Variants in PRDM10 observed in about 807,000 individuals in gnomAD.
The protein encoded by PRDM10 is PR/SET domain 10.
A neutral mutation model predicts 133.1 loss-of-function variants in PRDM10; 65 were observed. The observed-to-expected ratio is 0.49, with a 90% CI of 0.40 to 0.60. The LOEUF is 0.60. Ranked by LOEUF, PRDM10 falls within the 20% of genes least tolerant of loss-of-function variation. The probability of loss-of-function intolerance (pLI) is 0.00; values close to 1 mark genes in which losing one functional copy is unlikely to be tolerated. For missense variants in PRDM10, 1,137 were observed against 1,507.1 expected, an observed-to-expected ratio of 0.75 and a Z score of 4.07; for synonymous variants, 582 against 580.4, an observed-to-expected ratio of 1.00 and a Z score of -0.04.
At position 129,908,544 on chromosome 11, in the gene PRDM10, G is replaced by A. The variant is rs924236633; in HGVS notation, c.3163+1932C>T. Among the ~76,000 whole-genome samples the A allele has an allele frequency of 5.9e-5, 9 of 152,328 alleles. No homozygotes were observed. In the South Asian group the frequency reaches 8.3e-4, roughly 14 times the overall value. The stretch of plus-strand genomic sequence containing the variant: ...AGGTGATATGATGGATCATTATCCA[G>A]CTGGAGGATGGGAGATCATGATGGG... On this transcript the variant is annotated intron_variant, in intron 19 of 20. Coordinates refer to ENST00000360871, the MANE Select transcript of PRDM10 (RefSeq NM_199437.2).
At chr11:129,917,923 G>C (rs1950407516) in intron 14 of PRDM10, among the ~76,000 whole-genome samples, 1 of 152,214 alleles carries the variant, frequency 6.6e-6, no homozygotes, top group Non-Finnish European at 1.5e-5. Context: ...CTGAGGTCAG[G>C]AGTTTGAGAC....
At chr11:129,939,690 A>G (rs896221802) in intron 7 of PRDM10, among the ~76,000 whole-genome samples, 1 of 152,230 alleles carries the variant, frequency 6.6e-6, no homozygotes, top group Non-Finnish European at 1.5e-5. Context: ...ATGAAGGCCA[A>G]AAAGATCTGC....
At position 129,954,125 on chromosome 11, in the gene PRDM10, A is replaced by T. The variant is rs1222738347; in HGVS notation, c.294+1387T>A. On this transcript the variant is annotated intron_variant, in intron 4 of 20. Coordinates refer to ENST00000360871, the MANE Select transcript of PRDM10 (RefSeq NM_199437.2). ...CCAACTTATACAAAAAAGGCTCCTA[A>T]CAAACTTCTCTATATTTCAGATGAT... 5.9e-5 allele frequency among the ~76,000 whole-genome samples: 9 copies of T among 151,308 alleles called. No homozygotes were observed. The East Asian group carries it at 1.5e-3, about 26-fold the overall frequency.
chr11:130,002,254 G>C (rs1179711656), intron 1 of PRDM10, among the ~76,000 whole-genome samples: 4 of 150,560 alleles, frequency 2.7e-5, no homozygotes, highest in Non-Finnish European at 5.9e-5. Flanking sequence ...CCCAACCGCC[G>C]TCCCGGCCCA....
Position 129,914,895 on chromosome 11 carries a change from C to T in PRDM10, c.2650G>A (p.Ala884Thr), listed in dbSNP as rs370360512. The change falls in exon 17 of 21, where the codon GCC becomes ACC. Residue 884 changes from alanine (A) to threonine (T), a missense_variant. Coordinates refer to ENST00000360871, the MANE Select transcript of PRDM10 (RefSeq NM_199437.2). ...ATPAVLTTDSATGETVVTTDL... is the reference protein window; with the variant it reads ...ATPAVLTTDSTTGETVVTTDL... ...GTCGTCACCACAGTCTCTCCAGTGG[C>T]GCTGTCTGTAGTCAAAACCGCTGGG... 54 of 1,614,022 alleles carry T rather than the reference C, an allele frequency of 3.3e-5. No homozygotes were observed. The highest frequency in any genetic ancestry group is 1.3e-4 in the East Asian group (6 of 44,892).
At position 129,996,040 on chromosome 11, in the gene PRDM10, A is replaced by T. The variant is rs183775448; in HGVS notation, c.-119+6682T>A. ...TTAATTCACTCACTTATCCCTCAAA[A>T]CATTTTAGAATCCAGTAAGTAAAAG... On this transcript the variant is annotated intron_variant, in intron 1 of 20. Transcript: ENST00000360871. Among the ~76,000 whole-genome samples the T allele has an allele frequency of 1.1e-4, 17 of 152,334 alleles. No individual in the cohort carries two copies. In the East Asian group the frequency reaches 1.9e-3, roughly 17 times the overall value.
intron 8 of PRDM10, among the ~76,000 whole-genome samples, chr11:129,936,661 A>T (rs1047077646): frequency 6.6e-6 from 1 of 152,072 alleles, no homozygotes. Context: ...TCAAAAAAAA[A>T]AAAGAATAGT....
At chr11:129,969,903 TAA>T (rs1951982605) in intron 1 of PRDM10, among the ~76,000 whole-genome samples, 1 of 152,166 alleles carries the variant, frequency 6.6e-6, no homozygotes, top group Admixed American at 6.5e-5. Context: ...AACTCATACT[TAA>T]GATTAGATTC....
At chr11:129,943,798 T>C (rs1414098755) in intron 6 of PRDM10, among the ~76,000 whole-genome samples, 5 of 151,696 alleles carry the variant, frequency 3.3e-5, no homozygotes, top group African/African-American at 1.2e-4. Context: ...ATCAAGACCA[T>C]CCTGGCTAAC....
intron 20 of PRDM10, among the ~76,000 whole-genome samples, chr11:129,902,995 A>T (rs1313929738): frequency 6.6e-6 from 1 of 152,054 alleles, no homozygotes; most frequent in African/African-American, 2.4e-5. Context: ...AGCAAAATTT[A>T]AAAAAATAAT....
intron 2 of PRDM10, among the ~76,000 whole-genome samples, chr11:129,960,387 C>G (rs1429349518): frequency 6.6e-6 from 1 of 152,124 alleles, no homozygotes; most frequent in Non-Finnish European, 1.5e-5. Flanking sequence ...TAGCAGCAAT[C>G]TGAAAGGCAA....
intron 1 of PRDM10, among the ~76,000 whole-genome samples, chr11:129,981,101 C>T (rs1002144131): frequency 2.0e-5 from 3 of 151,990 alleles, no homozygotes; most frequent in African/African-American, 4.8e-5. Context: ...CAACTCCTGA[C>T]CTCAGGTGAT....
intron 1 of PRDM10, among the ~76,000 whole-genome samples, chr11:129,984,218 T>A (rs1938276582): frequency 6.6e-6 from 1 of 152,212 alleles, no homozygotes; most frequent in African/African-American, 2.4e-5. Flanking sequence ...GGAGGTGGCC[T>A]TCCCACTGGG....
intron 1 of PRDM10, among the ~76,000 whole-genome samples, 190 bp downstream of exon 1, chr11:130,002,532 C>A (rs1939480749): frequency 6.6e-6 from 1 of 151,550 alleles, no homozygotes; most frequent in Non-Finnish European, 1.5e-5. Flanking sequence ...CGGGATTTCT[C>A]CCCCCCACCA....
In PRDM10 at chr11:129,918,568, T is replaced by G; in HGVS notation, c.2185A>C (p.Met729Leu). Reference protein sequence around the residue: ...DSFTFKCRLCMMGFRRRGMLV... With the variant: ...DSFTFKCRLCLMGFRRRGMLV... ...ATGCCGCGCCGCCGGAAGCCCATCA[T>G]GCACAGGCGGCACTTGAACGTGAAG... The change falls in exon 14 of 21, where the codon ATG becomes CTG. Residue 729 changes from methionine (M) to leucine (L), a missense_variant. Around this residue, in one of 6 missense-constraint regions of PRDM10, gnomAD observed 78 missense variants for 96.4 expected, o/e 0.81. Transcript: ENST00000360871. This position sits in a 1 kb window ranked among gnomAD's most constrained non-coding sequence, Gnocchi z 5.3. The G allele has an allele frequency of 6.2e-7, 1 of 1,614,176 alleles. No homozygotes were observed. Among genetic ancestry groups the G allele is most frequent in the Non-Finnish European group, 8.5e-7 (1 of 1,180,024 alleles).
chr11:129,985,809 A>AATATATATATATATATATATAT (rs1555114095), intron 1 of PRDM10, among the ~76,000 whole-genome samples: 5 of 61,090 alleles, frequency 8.2e-5, no homozygotes, highest in African/African-American at 2.4e-4. Flanking sequence ...AAAAAAAAAA[A>AATATATATATATATATATATAT]ATATATATAT....
rs1441372520 is a variant in PRDM10 at position 129,935,222 on chromosome 11, C to T, written c.1040-4G>A. 1.2e-6 allele frequency: 2 copies of T among 1,607,114 alleles called. No homozygotes were observed. Among genetic ancestry groups the T allele is most frequent in the Non-Finnish European group, 1.7e-6 (2 of 1,173,794 alleles). Reference sequence around the variant, plus strand: ...TTCTTCTCTTGCTCTCGAAGAACTACAGTCACAGGAGAGAAATCATAAAGG... The same window carrying T: ...TTCTTCTCTTGCTCTCGAAGAACTATAGTCACAGGAGAGAAATCATAAAGG... On this transcript the variant is annotated splice_region_variant and splice_polypyrimidine_tract_variant and intron_variant, in intron 8 of 20. Transcript: ENST00000360871.
At chr11:129,913,522 G>T (rs1450993282) in intron 17 of PRDM10, among the ~76,000 whole-genome samples, 1 of 152,160 alleles carries the variant, frequency 6.6e-6, no homozygotes, top group Non-Finnish European at 1.5e-5. Context: ...AATTAAAAGA[G>T]ATCAAAGAAA....
intron 1 of PRDM10, among the ~76,000 whole-genome samples, chr11:129,966,970 G>A (rs1002690131): frequency 6.6e-6 from 1 of 152,200 alleles, no homozygotes; most frequent in Admixed American, 6.5e-5. Flanking sequence ...GAATATCTTA[G>A]TCAATCTATT....
Sources: gnomAD v4.1 joint callset for allele counts (sites outside exome capture counted in the v4.1 genomes callset) on GRCh38, gnomAD v4.1.1 for gene constraint, gnomAD v4.1.1 regional missense constraint, Gnocchi (gnomAD v3.1) non-coding constraint, MANE v1.5 for transcripts, NCBI Gene and HGNC (gene_info 2026-07-23, HGNC 2026-07-21) for gene names.